ANXA8: variants seen among roughly 807,000 people sequenced by gnomAD.
ANXA8 encodes annexin A8, also known as VAC-beta.
ANXA8 carries 9 observed loss-of-function variants against 26.8 expected under a neutral mutation model. That is an observed-to-expected ratio of 0.34 (90% CI 0.20 to 0.59). The LOEUF is 0.59. ANXA8 is among the 20% of genes least tolerant of loss of function. The pLI is 0.84. For synonymous variants in ANXA8, 39 were observed against 94.8 expected (o/e 0.41, Z 3.42); for missense variants, 83 against 238.5 (o/e 0.35, Z 4.29).
At chr10:47,724,341 G>A in the ANXA8 span, among the ~76,000 whole-genome samples, 11 of 139,608 alleles carry the variant, frequency 7.9e-5, 3 homozygotes, top group East Asian at 1.4e-3. Flanking sequence ...TTCTCCACCC[G>A]TTGGCAGTGT....
the ANXA8 span, among the ~76,000 whole-genome samples, chr10:47,672,836 G>A: frequency 7.2e-5 from 11 of 151,892 alleles, no homozygotes; most frequent in South Asian, 2.3e-3. Flanking sequence ...AAAATTACAA[G>A]ATATTGCCAT....
At chr10:47,488,712 A>ATTT (rs1840088979), upstream of ANXA8, among the ~76,000 whole-genome samples, 26 of 95,966 alleles carry the variant, frequency 2.7e-4, no homozygotes, top group East Asian at 4.6e-4. Flanking sequence ...TTACATGTTA[A>ATTT]ATTTTTTTTT....
At chr10:47,955,498 T>C in the ANXA8 span, among the ~76,000 whole-genome samples, 2 of 150,082 alleles carry the variant, frequency 1.3e-5, no homozygotes, top group Admixed American at 1.3e-4. Context: ...GCTCCTAGGC[T>C]ACCAATCTGT....
chr10:47,521,328 C>T, the ANXA8 span, among the ~76,000 whole-genome samples: 4 of 140,604 alleles, frequency 2.8e-5, 1 homozygote, highest in African/African-American at 8.1e-5. Flanking sequence ...CAAGTACTTA[C>T]ATGCTTTGTG....
At chr10:47,977,576 T>C in the ANXA8 span, among the ~76,000 whole-genome samples, 1 of 151,650 alleles carries the variant, frequency 6.6e-6, no homozygotes, top group Non-Finnish European at 1.5e-5. Flanking sequence ...TTAAAAAGCA[T>C]GACAATGATG....
At chr10:47,763,937 T>G in the ANXA8 span, among the ~76,000 whole-genome samples, 1 of 152,034 alleles carries the variant, frequency 6.6e-6, no homozygotes, top group African/African-American at 2.4e-5. Flanking sequence ...CCAGTCAGTG[T>G]GCGTGAGGCT....
the ANXA8 span, among the ~76,000 whole-genome samples, chr10:47,894,633 T>G: frequency 8.3e-6 from 1 of 120,064 alleles, no homozygotes. Context: ...CACCACACAC[T>G]ACACACACCA....
the ANXA8 span, among the ~76,000 whole-genome samples, chr10:47,533,185 TCACACACACACACACACACACACA>T: frequency 9.8e-6 from 1 of 102,396 alleles, no homozygotes; most frequent in Non-Finnish European, 2.0e-5. Context: ...TAAACACACA[TCACACACACACACACACACACACA>T]CACACACACA....
Position 47,483,921 on chromosome 10 carries a change from T to C in ANXA8, c.13A>G (p.Lys5Glu). MAWW[K>E]SWIEQEGVTV... ...TGCCAGCTCCCACTTACCCAGGATT[T>C]CCACCAGGCCATCTCTTTCACCTCG... Residue 5 changes from lysine to glutamate, a missense_variant, in exon 1 of 12, where the codon AAA becomes GAA. Lys to Glu is a moderately conservative substitution (Grantham distance 56, BLOSUM62 1). Around this residue, in one of 6 missense-constraint regions of ANXA8, gnomAD observed 7 missense variants for 85.9 expected, o/e 0.08. Coordinates refer to ENST00000585281, the MANE Select transcript of ANXA8 (RefSeq NM_001040084.3). The C allele has an allele frequency of 6.2e-7, 1 of 1,611,668 alleles. No homozygotes were observed. Among genetic ancestry groups the C allele is most frequent in the Non-Finnish European group, 8.5e-7 (1 of 1,179,842 alleles).
intron 11 of ANXA8, among the ~76,000 whole-genome samples, chr10:47,469,807 T>C (rs1429326974): frequency 4.6e-5 from 7 of 151,572 alleles, no homozygotes; most frequent in African/African-American, 1.7e-4. Flanking sequence ...TGTCTACTTT[T>C]CACCATTTAG....
chr10:47,496,828 T>C, the ANXA8 span, among the ~76,000 whole-genome samples: 167 of 148,410 alleles, frequency 1.1e-3, no homozygotes, highest in African/African-American at 3.7e-3. Context: ...AAAAATGATG[T>C]GGAATCCTTC....
chr10:47,587,831 G>A, the ANXA8 span, among the ~76,000 whole-genome samples: 1 of 146,236 alleles, frequency 6.8e-6, no homozygotes, highest in Admixed American at 6.6e-5. Context: ...CTAGTGCAGG[G>A]TATCCTGGGG....
chr10:47,651,283 CAA>C, the ANXA8 span, among the ~76,000 whole-genome samples: 65 of 136,722 alleles, frequency 4.8e-4, no homozygotes, highest in East Asian at 1.9e-3. Flanking sequence ...AAAAAAATCT[CAA>C]AAAAAAAAAA....
the ANXA8 span, among the ~76,000 whole-genome samples, chr10:47,971,419 C>G: frequency 2.0e-5 from 3 of 148,618 alleles, no homozygotes; most frequent in African/African-American, 7.4e-5. Flanking sequence ...GTTGCAACTC[C>G]TAAATCACAA....
the ANXA8 span, among the ~76,000 whole-genome samples, chr10:47,664,635 TTC>T: frequency 0.014 from 2,098 of 150,934 alleles, 4 homozygotes; most frequent in African/African-American, 0.024. Flanking sequence ...CTAAAATAAT[TTC>T]TGTTATTGTG....
chr10:47,951,506 A>G, the ANXA8 span, among the ~76,000 whole-genome samples: 2 of 150,432 alleles, frequency 1.3e-5, no homozygotes, highest in Non-Finnish European at 2.9e-5. Context: ...TTATAGGCCA[A>G]TGTCCACAAG....
chr10:47,694,024 C>A, the ANXA8 span, among the ~76,000 whole-genome samples: 1 of 151,502 alleles, frequency 6.6e-6, no homozygotes, highest in South Asian at 2.1e-4. Context: ...TCAGCAGGGA[C>A]CTCTCAGGGG....
the ANXA8 span, among the ~76,000 whole-genome samples, chr10:47,666,756 G>A: frequency 1.3e-5 from 2 of 151,778 alleles, no homozygotes; most frequent in South Asian, 4.1e-4. Flanking sequence ...TGAGTCAAGT[G>A]GTCTTTCAGG....
chr10:47,668,995 G>A, the ANXA8 span, among the ~76,000 whole-genome samples: 1 of 151,876 alleles, frequency 6.6e-6, no homozygotes, highest in African/African-American at 2.4e-5. Context: ...CTGTGAGAGA[G>A]TGAGGGAAGT....
Sources: allele counts gnomAD v4.1 joint callset (sites outside exome capture counted in the v4.1 genomes callset), GRCh38; gene constraint gnomAD v4.1.1; regional missense constraint gnomAD v4.1.1; transcripts MANE v1.5; gene names NCBI Gene and HGNC (gene_info 2026-07-23, HGNC 2026-07-21).